The following USP25 variants were observed in gnomAD, a reference collection of about 807,000 sequenced individuals.
USP25 encodes the protein ubiquitin carboxyl-terminal hydrolase 25.
A neutral mutation model predicts 158.5 loss-of-function variants in USP25; 85 were observed. The observed-to-expected ratio is 0.54, with a 90% CI of 0.45 to 0.64. The LOEUF (loss-of-function observed/expected upper bound fraction) is 0.64. Ranked by LOEUF, USP25 falls within the 30% of genes least tolerant of loss-of-function variation. The probability of loss-of-function intolerance (pLI) is 0.00; values close to 1 mark genes in which losing one functional copy is unlikely to be tolerated. For missense variants in USP25, 1,242 were observed against 1,327.3 expected (o/e 0.94, Z 1.00); for synonymous variants, 464 against 460.4 (o/e 1.01, Z -0.10).
intron 4 of USP25, among the ~76,000 whole-genome samples, chr21:15,786,027 C>T (rs145597548): frequency 9.9e-5 from 15 of 151,700 alleles, no homozygotes; most frequent in Non-Finnish European, 1.8e-4. Context: ...AACTGTATAC[C>T]AACAAATTCT....
chr21:15,838,615 G>C (rs988496877), intron 17 of USP25, among the ~76,000 whole-genome samples: 2 of 152,084 alleles, frequency 1.3e-5, no homozygotes, highest in African/African-American at 4.8e-5. Context: ...GGCTCTTACA[G>C]GGTATTGTGG....
Position 15,792,293 on chromosome 21 carries a change from A to G in USP25, c.555+629A>G, listed in dbSNP as rs1276836606. ...GATATCCCTCTTTTCAATTTGGAAC[A>G]GTTTTCTTTTACGTGTTTAACAACT... On this transcript the variant is annotated intron_variant, in intron 5 of 25. Transcript: ENST00000400183. Among the ~76,000 whole-genome samples, 6 of 151,440 alleles carry G rather than the reference A, an allele frequency of 4.0e-5. No individual in the cohort carries two copies. In the East Asian group the frequency reaches 5.8e-4, roughly 15 times the overall value.
chr21:15,766,185 GA>G lies in USP25; in HGVS notation c.268+49del. 1 of 1,539,998 alleles carries G rather than the reference GA, an allele frequency of 6.5e-7. No homozygotes were observed. ...CTTATTATTTTAATAGAAACATACTGAAAAACTTTTCTTGGTGTAATATATT... is the reference window on the plus strand; with the variant it reads ...CTTATTATTTTAATAGAAACATACTGAAAACTTTTCTTGGTGTAATATATT... On this transcript the variant is annotated intron_variant, in intron 3 of 25. Transcript: ENST00000400183. This position sits in a 1 kb window ranked among gnomAD's most constrained non-coding sequence, Gnocchi z 4.0.
chr21:15,794,706 A>G (rs2035771600), intron 5 of USP25, among the ~76,000 whole-genome samples: 1 of 151,568 alleles, frequency 6.6e-6, no homozygotes, highest in African/African-American at 2.4e-5. Context: ...CCTGCTGTGT[A>G]TGATGGTAAA....
In USP25 at chr21:15,730,302, C is replaced by G; in HGVS notation, c.-92C>G. 6.9e-6 allele frequency: 7 copies of G among 1,013,424 alleles called. No individual in the cohort carries two copies. Among genetic ancestry groups the G allele is most frequent in the Non-Finnish European group, 8.2e-6 (7 of 849,310 alleles). The allele number at this position is 1,013,424 out of a possible 1,614,324, so 62.8% of individuals were successfully genotyped here. A position where few individuals can be genotyped will look rare whatever the true frequency, so the allele number is the denominator to read the frequency against. ...TCCTCCCAGGCCGTCCGCGCCGCTC[C>G]CTGGAGCTCGGCGGAGCGCGGCAGC... On this transcript the variant is annotated 5_prime_UTR_variant, in exon 1 of 26. Coordinates refer to ENST00000400183, the MANE Select transcript of USP25 (RefSeq NM_001283041.3).
In USP25 at chr21:15,878,373, C is replaced by A; in HGVS notation, c.3276C>A (p.Phe1092Leu). Reference protein sequence around the residue: ...LLDCSMEIKSFHEPPKLPSYS... With the variant: ...LLDCSMEIKSLHEPPKLPSYS... ...ATTGTTCTATGGAGATTAAAAGTTT[C>A]CATGAGCCACCGAAGTTACCTTCAT... The change falls in exon 26 of 26, where the codon TTC (phenylalanine) becomes TTA (leucine). Residue 1092 changes from phenylalanine (F) to leucine (L), a missense_variant. Coordinates refer to ENST00000400183, the MANE Select transcript of USP25 (RefSeq NM_001283041.3). The A allele has an allele frequency of 6.2e-7, 1 of 1,614,064 alleles. No individual in the cohort carries two copies. The highest frequency in any genetic ancestry group is 8.5e-7 in the Non-Finnish European group (1 of 1,179,958).
intron 20 of USP25, among the ~76,000 whole-genome samples, chr21:15,862,391 C>T (rs2039463417): frequency 6.6e-6 from 1 of 151,976 alleles, no homozygotes; most frequent in Non-Finnish European, 1.5e-5. Context: ...TGAAAAAAAT[C>T]TAAAATTGGA....
At chr21:15,825,612 G>T (rs189847313) in intron 12 of USP25, among the ~76,000 whole-genome samples, 1 of 152,082 alleles carries the variant, frequency 6.6e-6, no homozygotes, top group African/African-American at 2.4e-5. Flanking sequence ...TCTAAAAGAC[G>T]TCAGAATCTG....
intron 6 of USP25, among the ~76,000 whole-genome samples, chr21:15,803,367 A>G (rs1449724341): frequency 2.6e-5 from 4 of 151,830 alleles, no homozygotes; most frequent in Non-Finnish European, 1.5e-5. Flanking sequence ...AATTTTTGAA[A>G]AATTAAATCC....
intron 25 of USP25, 39 bp downstream of exon 25, chr21:15,878,030 G>T: frequency 6.7e-7 from 1 of 1,495,714 alleles, no homozygotes; most frequent in Non-Finnish European, 9.1e-7. Context: ...TGAGATGTCC[G>T]GATTAAATGC....
chr21:15,760,767 C>T (rs901433212), intron 1 of USP25, among the ~76,000 whole-genome samples: 1 of 151,932 alleles, frequency 6.6e-6, no homozygotes, highest in Non-Finnish European at 1.5e-5. Flanking sequence ...TTTTTTTCTC[C>T]CCAAACCATT....
Position 15,866,316 on chromosome 21 carries a change from C to G in USP25, c.2777C>G (p.Pro926Arg). 6.2e-7 allele frequency: 1 copy of G among 1,601,796 alleles called. No homozygotes were observed. The highest frequency in any genetic ancestry group is 1.1e-5 in the South Asian group (1 of 89,264). Residue 926 changes from proline (P) to arginine (R), a missense_variant, in exon 22 of 26, where the codon CCT becomes CGT. Pro to Arg is a moderately radical substitution (Grantham distance 103). Transcript: ENST00000400183. ...CAAGCCAAACTGGAAATGATAAAAC[C>G]TGAAGAAGTAAACTTGGAGGAATAT... is the stretch of plus-strand genomic sequence containing the variant. ...VAQAKLEMIK[P>R]EEVNLEEYEE...
chr21:15,793,397 T>C (rs1256828610), intron 5 of USP25, among the ~76,000 whole-genome samples: 2 of 150,286 alleles, frequency 1.3e-5, no homozygotes, highest in Non-Finnish European at 3.0e-5. Context: ...AGTTACAATC[T>C]GTTTCTACCC....
rs1479902121 is a variant in USP25, at chr21:15,875,055, T to G, written c.3009+529T>G. 1.3e-5 allele frequency among the ~76,000 whole-genome samples: 2 copies of G among 151,976 alleles called. No homozygotes were observed. Among genetic ancestry groups the G allele is most frequent in the Non-Finnish European group, 2.9e-5 (2 of 67,956 alleles). On this transcript the variant is annotated intron_variant, in intron 24 of 25. Transcript: ENST00000400183. This position sits in a 1 kb window ranked among gnomAD's most constrained non-coding sequence, Gnocchi z 4.7. ...GATATGGTGGTGTGCGCCTGTAGTC[T>G]CAACTACTCAGGAGGCTGAGGCAGG...
rs182497162 is a variant in USP25 at position 15,815,005 on chromosome 21, C to T, written c.932-3693C>T. Reference sequence around the variant, plus strand: ...GAAGCCTAGGAGGAAAAAATAGTTTCGTGGGCTGCCCGTGGTACTCATGCT... The same window carrying T: ...GAAGCCTAGGAGGAAAAAATAGTTTTGTGGGCTGCCCGTGGTACTCATGCT... On this transcript the variant is annotated intron_variant, in intron 9 of 25. Coordinates refer to ENST00000400183, the MANE Select transcript of USP25 (RefSeq NM_001283041.3). 3.8e-4 allele frequency among the ~76,000 whole-genome samples: 58 copies of T among 152,274 alleles called. No individual in the cohort carries two copies. The East Asian group carries it at 0.011, about 28-fold the overall frequency.
chr21:15,877,602 G>A (rs2040147616), intron 24 of USP25, 194 bp from the exon 25 acceptor site: 2 of 446,684 alleles, frequency 4.5e-6, no homozygotes, highest in Non-Finnish European at 7.8e-6. Flanking sequence ...TGTTTCTGTT[G>A]TTGCCATATG....
At chr21:15,834,876 G>A (rs371878348) in intron 17 of USP25, among the ~76,000 whole-genome samples, 127 of 152,344 alleles carry the variant, frequency 8.3e-4, no homozygotes, top group African/African-American at 2.9e-3. Context: ...ACCGCGTAGA[G>A]CAGGTGAAGC....
intron 5 of USP25, among the ~76,000 whole-genome samples, chr21:15,793,727 C>CT (rs1171455982): frequency 2.0e-5 from 3 of 151,438 alleles, no homozygotes; most frequent in African/African-American, 7.3e-5. Context: ...GTAGAAAACA[C>CT]TAAGCATCAG....
At chr21:15,848,405 A>ATC (rs1241802611) in intron 19 of USP25, among the ~76,000 whole-genome samples, 1 of 152,084 alleles carries the variant, frequency 6.6e-6, no homozygotes, top group Admixed American at 6.6e-5. Context: ...GATGAAAATG[A>ATC]TCTATTGTCT....
Sources: allele counts gnomAD v4.1 joint callset (sites outside exome capture counted in the v4.1 genomes callset), GRCh38; gene constraint gnomAD v4.1.1; non-coding constraint Gnocchi (gnomAD v3.1); transcripts MANE v1.5; gene names NCBI Gene and HGNC (gene_info 2026-07-23, HGNC 2026-07-21).